Variants in ATP2B1 observed in about 807,000 individuals in gnomAD.
ATP2B1 encodes the protein plasma membrane calcium-transporting ATPase 1.
Under a neutral mutation model 124.2 loss-of-function variants are expected in ATP2B1, and 14 were observed. That is an observed-to-expected ratio of 0.11 (90% CI 0.07 to 0.18). ATP2B1 has a LOEUF of 0.18. ATP2B1 is among the 10% of genes least tolerant of loss of function. The pLI is 1.00. For synonymous variants in ATP2B1, 449 were observed against 492.4 expected (o/e 0.91, Z 1.17); for missense variants, 763 against 1,466.1 (o/e 0.52, Z 7.83).
At chr12:89,677,825 A>G (rs1888796200) in intron 1 of ATP2B1, among the ~76,000 whole-genome samples, 1 of 151,820 alleles carries the variant, frequency 6.6e-6, no homozygotes, top group African/African-American at 2.4e-5. Flanking sequence ...ACCTAAAGGA[A>G]AGCATAAAAG....
intron 1 of ATP2B1, among the ~76,000 whole-genome samples, chr12:89,658,236 A>C (rs1454514598): frequency 6.6e-6 from 1 of 152,184 alleles, no homozygotes; most frequent in Admixed American, 6.5e-5. Context: ...AATTTTCCTC[A>C]ACAACTCCTG....
intron 12 of ATP2B1, chr12:89,611,678 A>G: frequency 4.4e-6 from 1 of 229,624 alleles, no homozygotes; most frequent in East Asian, 9.1e-5. Context: ...CCATTAGGCA[A>G]TTCTTTTCTG....
At chr12:89,595,435 T>A (rs564736789) in intron 20 of ATP2B1, among the ~76,000 whole-genome samples, 1 of 152,028 alleles carries the variant, frequency 6.6e-6, no homozygotes, top group South Asian at 2.1e-4. Flanking sequence ...CAGAATGTTT[T>A]CTCTAGAGAC....
At chr12:89,640,215 C>G (rs991218473) in intron 3 of ATP2B1, among the ~76,000 whole-genome samples, 11 of 152,140 alleles carry the variant, frequency 7.2e-5, no homozygotes, top group African/African-American at 2.2e-4. Flanking sequence ...TGTCTTCCCC[C>G]ACCCCCATTA....
At chr12:89,627,605 T>G (rs568702241) in intron 7 of ATP2B1, 73 bp downstream of exon 7, 2 of 1,514,000 alleles carry the variant, frequency 1.3e-6, no homozygotes, top group Admixed American at 3.5e-5. Context: ...TACTTTTGAA[T>G]AAATATGGTA....
intron 12 of ATP2B1, among the ~76,000 whole-genome samples, chr12:89,613,754 C>T (rs956360581): frequency 2.0e-5 from 3 of 152,156 alleles, no homozygotes; most frequent in African/African-American, 7.2e-5. Flanking sequence ...AAGAAAGGCA[C>T]ACTAACATTT....
intron 2 of ATP2B1, among the ~76,000 whole-genome samples, chr12:89,652,342 C>T (rs903654691): frequency 6.6e-6 from 1 of 152,102 alleles, no homozygotes. Flanking sequence ...CCAGGCCCCA[C>T]CACCTTTTTT....
chr12:89,657,240 T>C (rs1886069684), intron 1 of ATP2B1, among the ~76,000 whole-genome samples: 1 of 152,204 alleles, frequency 6.6e-6, no homozygotes, highest in African/African-American at 2.4e-5. Flanking sequence ...GTCTCTTCTG[T>C]ATATAACCCC....
At chr12:89,635,344 A>G in intron 3 of ATP2B1, 93 bp from the exon 4 acceptor site, 1 of 1,377,362 alleles carries the variant, frequency 7.3e-7, no homozygotes, top group South Asian at 1.4e-5. Flanking sequence ...TGTGTTAATT[A>G]TGTTTATCAA....
intron 15 of ATP2B1, among the ~76,000 whole-genome samples, chr12:89,605,893 G>A (rs1243416983): frequency 6.6e-6 from 1 of 152,166 alleles, no homozygotes; most frequent in Non-Finnish European, 1.5e-5. Flanking sequence ...GAGTGCTAAA[G>A]GTCTCTGATG....
Position 89,591,169 on chromosome 12 carries a change from G to T in ATP2B1, c.3478C>A (p.Pro1160Thr). The change falls in exon 21 of 21, where the codon CCC becomes ACC. Residue 1160 changes from proline to threonine, a missense_variant. Transcript: ENST00000428670. ...TCGGCATCAGTGTCATCAATAAGGG[G>T]GATATGAGGCTCTGAATCTTCTATC... is the stretch of plus-strand genomic sequence containing the variant. ...FRIEDSEPHIPLIDDTDAEDD... is the reference protein window; with the variant it reads ...FRIEDSEPHITLIDDTDAEDD... The T allele has an allele frequency of 6.2e-7, 1 of 1,613,184 alleles. No individual in the cohort carries two copies. Among genetic ancestry groups the T allele is most frequent in the Non-Finnish European group, 8.5e-7 (1 of 1,179,364 alleles).
chr12:89,679,976 T>A (rs1411079525), intron 1 of ATP2B1, among the ~76,000 whole-genome samples: 2 of 152,164 alleles, frequency 1.3e-5, no homozygotes, highest in East Asian at 3.9e-4. Flanking sequence ...AAGGATCTTA[T>A]AGAAACCAAA....
Position 89,669,549 on chromosome 12 carries a change from G to A in ATP2B1, c.-221-13442C>T, listed in dbSNP as rs192710027. ...ACGTAGTGCTTCAGCTTCCTCGTTT[G>A]TAGAATATGGATATCACCTCCATCT... is the stretch of plus-strand genomic sequence containing the variant. On this transcript the variant is annotated intron_variant, in intron 1 of 20. Coordinates refer to ENST00000428670, the MANE Select transcript of ATP2B1 (RefSeq NM_001366521.1). Among the ~76,000 whole-genome samples the A allele has an allele frequency of 6.2e-4, 95 of 152,252 alleles. 4 individuals are homozygous for A. The East Asian group carries it at 0.011, about 18-fold the overall frequency.
At chr12:89,653,939 T>G (rs1220861828) in intron 2 of ATP2B1, among the ~76,000 whole-genome samples, 3 of 152,152 alleles carry the variant, frequency 2.0e-5, no homozygotes, top group African/African-American at 7.2e-5. Flanking sequence ...TACAGTTGAG[T>G]GAAGATTTGA....
At chr12:89,629,048 G>A (rs1881409998) in intron 6 of ATP2B1, among the ~76,000 whole-genome samples, 1 of 152,122 alleles carries the variant, frequency 6.6e-6, no homozygotes, top group Non-Finnish European at 1.5e-5. Context: ...AATTTCTGGG[G>A]AATGTTCTAG....
chr12:89,685,346 A>T (rs1471359157), intron 1 of ATP2B1, among the ~76,000 whole-genome samples: 1 of 152,164 alleles, frequency 6.6e-6, no homozygotes, highest in Non-Finnish European at 1.5e-5. Flanking sequence ...TTTCACCAAC[A>T]TGTCCACTGT....
intron 1 of ATP2B1, among the ~76,000 whole-genome samples, chr12:89,695,061 AAAAAAAAAAAGAAAAGAATTAT>A (rs1890982627): frequency 6.7e-6 from 1 of 148,364 alleles, no homozygotes; most frequent in South Asian, 2.1e-4. Flanking sequence ...GCTGTTTCAA[AAAAAAAAAAAGAAAAGAATTAT>A]AAGAATAGGA....
intron 1 of ATP2B1, among the ~76,000 whole-genome samples, chr12:89,675,557 T>C (rs1419682855): frequency 1.3e-5 from 2 of 152,186 alleles, no homozygotes; most frequent in African/African-American, 4.8e-5. Context: ...ACTTATATAT[T>C]TGTTAAATGA....
At chr12:89,669,260 C>T (rs1414412026) in intron 1 of ATP2B1, among the ~76,000 whole-genome samples, 2 of 152,258 alleles carry the variant, frequency 1.3e-5, no homozygotes, top group Middle Eastern at 6.8e-3. Context: ...GTACCTTGCC[C>T]ACAGAAACTG....
Sources: allele counts gnomAD v4.1 joint callset (sites outside exome capture counted in the v4.1 genomes callset), GRCh38; gene constraint gnomAD v4.1.1; transcripts MANE v1.5; gene names NCBI Gene and HGNC (gene_info 2026-07-23, HGNC 2026-07-21).